Variants in ACYP2 observed in about 807,000 individuals in gnomAD.
ACYP2 encodes the protein acylphosphatase 2, also known as acylphosphatase-2.
A neutral mutation model predicts 11.2 loss-of-function variants in ACYP2; 12 were observed. The ratio of observed to expected loss-of-function variants is 1.08; its 90% confidence interval spans 0.69 to 1.74. The LOEUF (loss-of-function observed/expected upper bound fraction) is 1.74, where lower values mean the gene tolerates loss of function less well. ACYP2 is among the 40% of genes most tolerant of loss of function. The pLI is 0.00. For synonymous variants in ACYP2, 43 were observed against 32.2 expected (o/e 1.33, Z -1.13); for missense variants, 134 against 101.9 (o/e 1.31, Z -1.35).
intron 2 of ACYP2, among the ~76,000 whole-genome samples, chr2:54,020,151 G>T (rs1673925704): frequency 6.6e-6 from 1 of 152,012 alleles, no homozygotes; most frequent in African/African-American, 2.4e-5. Context: ...TGGTCAGGCT[G>T]GTCTCGAATT....
Position 54,042,180 on chromosome 2 carries a change from AT to A in ACYP2, c.63-8773del, listed in dbSNP as rs551008095. On this transcript the variant is annotated intron_variant, in intron 2 of 6. Coordinates refer to ENST00000607452, the MANE Select transcript of ACYP2 (RefSeq NM_001320586.2). The stretch of plus-strand genomic sequence containing the variant: ...CACCACCACACCCTGCTAATTTTGT[AT>A]TTTTAGTAGACACAGGGTTTCTCCA... Among the ~76,000 whole-genome samples, 374 of 152,060 alleles carry A rather than the reference AT, an allele frequency of 2.5e-3. 1 individual carries two copies. The highest frequency in any genetic ancestry group is 8.6e-3 in the African/African-American group (357 of 41,496).
chr2:54,016,994 A>G (rs959526112), intron 2 of ACYP2, among the ~76,000 whole-genome samples: 3 of 150,258 alleles, frequency 2.0e-5, no homozygotes, highest in Non-Finnish European at 4.4e-5. Context: ...CAAAGTGCTG[A>G]GATTACAGGC....
At chr2:54,042,789 A>T (rs1271591246) in intron 2 of ACYP2, among the ~76,000 whole-genome samples, 1 of 152,164 alleles carries the variant, frequency 6.6e-6, no homozygotes, top group African/African-American at 2.4e-5. Context: ...TTGGCCAGGG[A>T]AAACATATTT....
At chr2:54,268,903 A>C (rs1688158203) in intron 6 of ACYP2, among the ~76,000 whole-genome samples, 1 of 152,188 alleles carries the variant, frequency 6.6e-6, no homozygotes, top group Non-Finnish European at 1.5e-5. Flanking sequence ...ATAACCTGAG[A>C]GTTTACAATG....
chr2:54,230,924 G>A (rs1265899613), intron 6 of ACYP2, among the ~76,000 whole-genome samples: 4 of 146,578 alleles, frequency 2.7e-5, no homozygotes, highest in East Asian at 2.0e-4. Flanking sequence ...TCTGCCTCCC[G>A]GATTCAAGCG....
intron 6 of ACYP2, among the ~76,000 whole-genome samples, chr2:54,163,864 A>AG (rs1558580218): frequency 6.6e-6 from 1 of 152,182 alleles, no homozygotes; most frequent in Non-Finnish European, 1.5e-5. Flanking sequence ...CTCAAAAAAA[A>AG]AAAGTTATCA....
At chr2:54,108,704 G>A (rs959149069) in intron 4 of ACYP2, among the ~76,000 whole-genome samples, 10 of 152,096 alleles carry the variant, frequency 6.6e-5, no homozygotes, top group Non-Finnish European at 1.3e-4. Flanking sequence ...GGCACACTCT[G>A]TTCAAAATCT....
intron 4 of ACYP2, among the ~76,000 whole-genome samples, chr2:54,109,587 A>T (rs929972406): frequency 6.6e-6 from 1 of 152,204 alleles, no homozygotes; most frequent in Non-Finnish European, 1.5e-5. Flanking sequence ...AAATAAAAAA[A>T]ATTATATGCC....
intron 6 of ACYP2, among the ~76,000 whole-genome samples, chr2:54,162,593 G>A (rs1682767432): frequency 6.6e-6 from 1 of 152,040 alleles, no homozygotes; most frequent in Non-Finnish European, 1.5e-5. Context: ...CCCTGGGGAT[G>A]GGGCCCAACA....
At chr2:54,292,811 T>C (rs1042121649) in intron 6 of ACYP2, among the ~76,000 whole-genome samples, 1 of 152,220 alleles carries the variant, frequency 6.6e-6, no homozygotes, top group Non-Finnish European at 1.5e-5. Flanking sequence ...TGTCATTTTA[T>C]ACTTGCATGA....
At chr2:54,136,912 G>A (rs1681278033) in intron 5 of ACYP2, among the ~76,000 whole-genome samples, 2 of 152,084 alleles carry the variant, frequency 1.3e-5, no homozygotes, top group Non-Finnish European at 2.9e-5. Flanking sequence ...GGAGGCAGAG[G>A]TTGCAGTGAG....
chr2:54,211,617 T>C (rs1297653152), intron 6 of ACYP2, among the ~76,000 whole-genome samples: 1 of 152,252 alleles, frequency 6.6e-6, no homozygotes, highest in Non-Finnish European at 1.5e-5. Flanking sequence ...TATTTTATTT[T>C]ACTTTGGAAA....
At chr2:54,053,441 C>A (rs1041371417) in intron 3 of ACYP2, among the ~76,000 whole-genome samples, 4 of 152,202 alleles carry the variant, frequency 2.6e-5, no homozygotes, top group African/African-American at 9.6e-5. Flanking sequence ...CTCTGCACAC[C>A]CACCCATCAA....
chr2:53,994,567 G>T (rs1672475811), intron 2 of ACYP2, among the ~76,000 whole-genome samples: 1 of 150,924 alleles, frequency 6.6e-6, no homozygotes, highest in African/African-American at 2.4e-5. Flanking sequence ...ATGCTGGGGT[G>T]GACTATGAGA....
At chr2:54,286,075 T>C (rs1355649566) in intron 6 of ACYP2, among the ~76,000 whole-genome samples, 1 of 152,136 alleles carries the variant, frequency 6.6e-6, no homozygotes, top group Non-Finnish European at 1.5e-5. Context: ...ATGCATTTAA[T>C]ACACCTAACC....
intron 5 of ACYP2, among the ~76,000 whole-genome samples, chr2:54,136,956 A>T (rs1681281638): frequency 6.6e-6 from 1 of 152,170 alleles, no homozygotes. Flanking sequence ...AGCCTGGACG[A>T]CAAGAGTGAA....
chr2:54,137,373 T>G (rs573841838), intron 5 of ACYP2, among the ~76,000 whole-genome samples: 28 of 152,304 alleles, frequency 1.8e-4, no homozygotes, highest in African/African-American at 6.5e-4. Context: ...GAGTATTTCA[T>G]GACCCAGGTA....
At chr2:54,197,153 T>C (rs1010849893) in intron 6 of ACYP2, among the ~76,000 whole-genome samples, 2 of 151,818 alleles carry the variant, frequency 1.3e-5, no homozygotes, top group African/African-American at 4.8e-5. Flanking sequence ...CGTTGGGAGG[T>C]GATTTCAGGA....
At chr2:54,227,264 A>G (rs1686047706) in intron 6 of ACYP2, among the ~76,000 whole-genome samples, 1 of 152,190 alleles carries the variant, frequency 6.6e-6, no homozygotes, top group Non-Finnish European at 1.5e-5. Flanking sequence ...CAGGGACCAG[A>G]TTCTTATTCG....
Sources: gnomAD v4.1 joint callset for allele counts (sites outside exome capture counted in the v4.1 genomes callset) on GRCh38, gnomAD v4.1.1 for gene constraint, MANE v1.5 for transcripts, NCBI Gene and HGNC (gene_info 2026-07-23, HGNC 2026-07-21) for gene names.